The following LINGO2 variants were observed in gnomAD, a reference collection of about 807,000 sequenced individuals.
The protein encoded by LINGO2 is leucine rich repeat and Ig domain containing 2.
In LINGO2, 14 loss-of-function variants were observed where a neutral mutation model predicts 30.6. The observed-to-expected ratio is 0.46, with a 90% CI of 0.30 to 0.72. The LOEUF is 0.72. Among genes scored for constraint, LINGO2 ranks in the 30% least tolerant of loss-of-function variants. LINGO2 has a pLI of 0.07. For missense variants in LINGO2, 729 were observed against 751.7 expected, an observed-to-expected ratio of 0.97 and a Z score of 0.35; for synonymous variants, 317 against 288.5, an observed-to-expected ratio of 1.10 and a Z score of -1.00.
intron 4 of LINGO2, among the ~76,000 whole-genome samples, chr9:28,175,293 C>G (rs1828719966): frequency 1.3e-5 from 2 of 152,086 alleles, no homozygotes. Context: ...AGGTGATCTT[C>G]AAGATGCTTT....
chr9:28,122,985 C>A (rs1032023123), intron 4 of LINGO2, among the ~76,000 whole-genome samples: 2 of 152,126 alleles, frequency 1.3e-5, no homozygotes, highest in Non-Finnish European at 2.9e-5. Context: ...TTTTCTATTT[C>A]TTTTATGTTT....
At chr9:28,758,736 T>A in the LINGO2 span, among the ~76,000 whole-genome samples, 1 of 152,132 alleles carries the variant, frequency 6.6e-6, no homozygotes, top group East Asian at 1.9e-4. Context: ...GCTTCTGTTA[T>A]CTTATAATTA....
the LINGO2 span, among the ~76,000 whole-genome samples, chr9:28,921,422 C>T: frequency 2.6e-5 from 4 of 152,078 alleles, no homozygotes; most frequent in South Asian, 2.1e-4. Flanking sequence ...CCACAATGAC[C>T]GACTGAGACA....
At chr9:29,026,417 T>C in the LINGO2 span, among the ~76,000 whole-genome samples, 1 of 152,130 alleles carries the variant, frequency 6.6e-6, no homozygotes, top group East Asian at 1.9e-4. Context: ...TGGTAAATAA[T>C]TAAATAAATG....
At chr9:28,951,891 T>A in the LINGO2 span, among the ~76,000 whole-genome samples, 1 of 152,128 alleles carries the variant, frequency 6.6e-6, no homozygotes, top group African/African-American at 2.4e-5. Flanking sequence ...ACAAAGGATA[T>A]GAATAGACAC....
chr9:28,565,470 G>A (rs528141533), intron 1 of LINGO2, among the ~76,000 whole-genome samples: 7 of 150,010 alleles, frequency 4.7e-5, no homozygotes, highest in Admixed American at 1.3e-4. Context: ...TAGGCGTGAG[G>A]CATCATGCCT....
At chr9:28,570,634 C>A (rs1164201516) in intron 1 of LINGO2, among the ~76,000 whole-genome samples, 1 of 151,090 alleles carries the variant, frequency 6.6e-6, no homozygotes, top group Non-Finnish European at 1.5e-5. Context: ...GTGTGATTGA[C>A]TATCTACTTG....
intron 1 of LINGO2, among the ~76,000 whole-genome samples, chr9:28,634,447 A>G (rs924430558): frequency 3.4e-5 from 5 of 145,616 alleles, no homozygotes; most frequent in Admixed American, 6.9e-5. Context: ...TTTAGAACCA[A>G]CTCCCCTCCC....
chr9:28,088,203 TACACACACACACACACACAC>T (rs56044203), intron 4 of LINGO2, among the ~76,000 whole-genome samples: 1 of 148,506 alleles, frequency 6.7e-6, no homozygotes, highest in African/African-American at 2.5e-5. Flanking sequence ...TATATAATTA[TACACACACACACACACACAC>T]ACACACACAC....
the LINGO2 span, among the ~76,000 whole-genome samples, chr9:28,961,537 C>T: frequency 7.3e-3 from 1,118 of 152,222 alleles, 17 homozygotes; most frequent in African/African-American, 0.025. Flanking sequence ...AATTTATAAT[C>T]TCAAAACCTC....
chr9:28,423,923 G>A (rs567941552), intron 2 of LINGO2, among the ~76,000 whole-genome samples: 4 of 152,054 alleles, frequency 2.6e-5, no homozygotes, highest in East Asian at 3.9e-4. Context: ...CAGCTACATC[G>A]ACTGCCCTAT....
upstream of LINGO2, among the ~76,000 whole-genome samples, chr9:28,673,738 A>G (rs1168904557): frequency 6.6e-6 from 1 of 152,084 alleles, no homozygotes; most frequent in Non-Finnish European, 1.5e-5. Flanking sequence ...GAAAAATATG[A>G]AAAATCAGTT....
At chr9:28,366,454 C>T (rs1410273487) in intron 3 of LINGO2, among the ~76,000 whole-genome samples, 1 of 152,074 alleles carries the variant, frequency 6.6e-6, no homozygotes. Context: ...ATGTTTTTAT[C>T]ACTTGAAACC....
At chr9:28,036,537 G>C (rs1823944495) in intron 4 of LINGO2, among the ~76,000 whole-genome samples, 1 of 152,154 alleles carries the variant, frequency 6.6e-6, no homozygotes, top group Admixed American at 6.5e-5. Context: ...TTAGTCAATG[G>C]AGGCAATAAT....
intron 4 of LINGO2, among the ~76,000 whole-genome samples, chr9:28,126,106 A>G (rs1827228486): frequency 6.6e-6 from 1 of 152,204 alleles, no homozygotes; most frequent in Non-Finnish European, 1.5e-5. Flanking sequence ...TGCCTCCTCT[A>G]AAGTAGTCTG....
At chr9:28,903,098 T>G in the LINGO2 span, among the ~76,000 whole-genome samples, 1 of 151,492 alleles carries the variant, frequency 6.6e-6, no homozygotes, top group East Asian at 1.9e-4. Context: ...GCTTTTTTTT[T>G]GAGAAAGAAA....
chr9:28,912,553 T>C, the LINGO2 span, among the ~76,000 whole-genome samples: 1 of 152,118 alleles, frequency 6.6e-6, no homozygotes, highest in Non-Finnish European at 1.5e-5. Context: ...GAGAAACAGA[T>C]AAAGTGGAAA....
chr9:27,965,955 C>A (rs1820080682), intron 5 of LINGO2, among the ~76,000 whole-genome samples: 1 of 152,050 alleles, frequency 6.6e-6, no homozygotes, highest in Non-Finnish European at 1.5e-5. Context: ...TAAATCTTAA[C>A]CCTCTATTAT....
chr9:27,963,661 C>CT (rs140507820), intron 5 of LINGO2, among the ~76,000 whole-genome samples: 7,331 of 149,956 alleles, frequency 0.049, 565 homozygotes, highest in African/African-American at 0.17. Flanking sequence ...ATCTATAAGA[C>CT]TTTTTTGTTT....
Sources: gnomAD v4.1 joint callset for allele counts (sites outside exome capture counted in the v4.1 genomes callset) on GRCh38, gnomAD v4.1.1 for gene constraint, MANE v1.5 for transcripts, NCBI Gene and HGNC (gene_info 2026-07-23, HGNC 2026-07-21) for gene names.